The following COL5A2 variants were observed in gnomAD, a reference collection of about 807,000 sequenced individuals.
COL5A2 encodes collagen type V alpha 2 chain, also known as collagen alpha-2(V) chain.
In COL5A2, 23 loss-of-function variants were observed where a neutral mutation model predicts 208.2. The ratio of observed to expected loss-of-function variants is 0.11; its 90% CI spans 0.08 to 0.16. The LOEUF is 0.16. Ranked by LOEUF, COL5A2 falls within the 10% of genes least tolerant of loss-of-function variation. The pLI, the probability that COL5A2 is intolerant of heterozygous loss-of-function variation, is 1.00. For synonymous variants in COL5A2, 625 were observed against 628.5 expected, an observed-to-expected ratio of 0.99 and a Z score of 0.08; for missense variants, 1,590 against 1,956.4, an observed-to-expected ratio of 0.81 and a Z score of 3.53.
In COL5A2 at chr2:189,060,761, G is replaced by A; in HGVS notation, c.2054C>T (p.Pro685Leu). ...ACCTGGTTTTCCACCTTCTCCAGGAGGCCCTGGAGGACCAGGAAGCCCCTA... is the reference window on the plus strand; with the variant it reads ...ACCTGGTTTTCCACCTTCTCCAGGAAGCCCTGGAGGACCAGGAAGCCCCTA... ...GFQGLPGPPGPPGEGGKPGDQ... is the reference protein window; with the variant it reads ...GFQGLPGPPGLPGEGGKPGDQ... Residue 685 changes from proline to leucine, a missense_variant, in exon 31 of 54, where the codon CCT (proline) becomes CTT (leucine). Coordinates refer to ENST00000374866, the MANE Select transcript of COL5A2 (RefSeq NM_000393.5). 1 of 1,613,500 alleles carries A rather than the reference G, an allele frequency of 6.2e-7. No individual in the cohort carries two copies. Among genetic ancestry groups the A allele is most frequent in the Non-Finnish European group, 8.5e-7 (1 of 1,179,540 alleles).
At chr2:189,154,591 C>T (rs1410151465) in intron 1 of COL5A2, among the ~76,000 whole-genome samples, 1 of 152,198 alleles carries the variant, frequency 6.6e-6, no homozygotes, top group Non-Finnish European at 1.5e-5. Context: ...TAATTCTCCA[C>T]CTGCAGAATC....
the COL5A2 span, among the ~76,000 whole-genome samples, chr2:189,317,129 G>A: frequency 4.6e-5 from 7 of 151,992 alleles, no homozygotes; most frequent in Non-Finnish European, 1.0e-4. Flanking sequence ...AACTTATGAA[G>A]TCATTTCTAT....
chr2:189,045,074 T>A, intron 47 of COL5A2, 105 bp downstream of exon 47: 1 of 699,856 alleles, frequency 1.4e-6, no homozygotes, highest in Middle Eastern at 4.2e-4. Flanking sequence ...TTGTTCAAGC[T>A]TGAGGAATTT....
rs766036037 is a variant in COL5A2 at position 189,048,200 on chromosome 2, G to A, written c.3201+9C>T. 1.9e-6 allele frequency: 3 copies of A among 1,612,218 alleles called. No individual in the cohort carries two copies. The South Asian group carries it at 3.3e-5, about 18-fold the overall frequency. On this transcript the variant is annotated intron_variant, in intron 45 of 53. Coordinates refer to ENST00000374866, the MANE Select transcript of COL5A2 (RefSeq NM_000393.5). ...CTTTAGATTTTATAATAAGTGAAATGGCTCTTACACGTTCTCCAACAGCAC... is the reference window on the plus strand; with the variant it reads ...CTTTAGATTTTATAATAAGTGAAATAGCTCTTACACGTTCTCCAACAGCAC...
the COL5A2 span, among the ~76,000 whole-genome samples, chr2:189,360,293 T>C: frequency 6.6e-6 from 1 of 152,120 alleles, no homozygotes; most frequent in Non-Finnish European, 1.5e-5. Flanking sequence ...TTTTGTTTAG[T>C]TAAAATTTTA....
chr2:189,343,141 A>G, the COL5A2 span, among the ~76,000 whole-genome samples: 5 of 152,140 alleles, frequency 3.3e-5, no homozygotes, highest in South Asian at 8.3e-4. Flanking sequence ...GACATGCTTG[A>G]ATTTTCTGCT....
chr2:189,136,120 A>C (rs1330940016), intron 1 of COL5A2, among the ~76,000 whole-genome samples: 3 of 152,230 alleles, frequency 2.0e-5, no homozygotes, highest in Non-Finnish European at 4.4e-5. Context: ...CAGCACTGAA[A>C]GTGCAGAAAC....
At chr2:189,423,623 A>C in the COL5A2 span, among the ~76,000 whole-genome samples, 18 of 152,142 alleles carry the variant, frequency 1.2e-4, no homozygotes, top group Non-Finnish European at 2.5e-4. Context: ...TGTAACACAG[A>C]GGAAATGGAT....
chr2:189,319,691 C>A, the COL5A2 span, among the ~76,000 whole-genome samples: 6 of 152,260 alleles, frequency 3.9e-5, no homozygotes, highest in African/African-American at 1.4e-4. Flanking sequence ...GTGGAGCCCA[C>A]TGCAGCTCAA....
chr2:189,110,243 C>T lies in COL5A2; in HGVS notation c.304G>A (p.Gly102Ser). 1.2e-6 allele frequency: 2 copies of T among 1,613,716 alleles called. No individual in the cohort carries two copies. Among genetic ancestry groups the T allele is most frequent in the Non-Finnish European group, 1.7e-6 (2 of 1,179,728 alleles). ...TTCTTACCAAAATTGGTATTGCCAC[C>T]TCCAGGTGTTTGTGAACAGACAGGA... Reference protein sequence around the residue: ...CCPVCSQTPGGGNTNFGRGRK... With the variant: ...CCPVCSQTPGSGNTNFGRGRK... Residue 102 changes from glycine to serine, a missense_variant, in exon 2 of 54, where the codon GGT becomes AGT. Gly to Ser is a moderately conservative substitution (Grantham distance 56). Transcript: ENST00000374866.
intron 1 of COL5A2, among the ~76,000 whole-genome samples, chr2:189,135,401 T>C (rs1687808537): frequency 6.6e-6 from 1 of 152,218 alleles, no homozygotes; most frequent in Admixed American, 6.5e-5. Flanking sequence ...GAACGCTCTA[T>C]GAATCTGCAG....
At chr2:189,332,257 G>T in the COL5A2 span, among the ~76,000 whole-genome samples, 1 of 152,076 alleles carries the variant, frequency 6.6e-6, no homozygotes, top group Admixed American at 6.6e-5. Flanking sequence ...ATTATTAAGG[G>T]TATAGATAAT....
intron 12 of COL5A2, among the ~76,000 whole-genome samples, chr2:189,082,379 T>C (rs995704614): frequency 6.6e-6 from 1 of 152,146 alleles, no homozygotes; most frequent in African/African-American, 2.4e-5. Context: ...ACAAATGAAG[T>C]CCCATTAATT....
the COL5A2 span, among the ~76,000 whole-genome samples, chr2:189,399,355 A>G: frequency 6.6e-6 from 1 of 150,788 alleles, no homozygotes; most frequent in Admixed American, 6.6e-5. Flanking sequence ...GGTTCAAATG[A>G]TTCTTCTGCC....
At chr2:189,417,757 G>A in the COL5A2 span, among the ~76,000 whole-genome samples, 3 of 151,676 alleles carry the variant, frequency 2.0e-5, 1 homozygote, top group Admixed American at 1.3e-4. Context: ...CCATGTTGCT[G>A]CAAGTGACAG....
chr2:189,274,928 C>T, the COL5A2 span, among the ~76,000 whole-genome samples: 1 of 152,080 alleles, frequency 6.6e-6, no homozygotes, highest in Non-Finnish European at 1.5e-5. Context: ...TGAATGAGCA[C>T]AATTTTTATT....
At chr2:189,319,352 C>G in the COL5A2 span, among the ~76,000 whole-genome samples, 1 of 152,194 alleles carries the variant, frequency 6.6e-6, no homozygotes, top group Non-Finnish European at 1.5e-5. Context: ...AAGCGTGAGC[C>G]GAAGCAGGGC....
At chr2:189,421,842 T>A in the COL5A2 span, among the ~76,000 whole-genome samples, 1 of 152,132 alleles carries the variant, frequency 6.6e-6, no homozygotes, top group Admixed American at 6.5e-5. Flanking sequence ...CCAGCCTCTA[T>A]GACTAAGGAT....
intron 12 of COL5A2, among the ~76,000 whole-genome samples, chr2:189,081,464 T>C (rs1454527649): frequency 7.2e-5 from 11 of 152,202 alleles, no homozygotes; most frequent in Admixed American, 7.2e-4. Flanking sequence ...TCCTTCTTTA[T>C]TGTGCTTTAT....
Sources: gnomAD v4.1 joint callset for allele counts (sites outside exome capture counted in the v4.1 genomes callset) on GRCh38, gnomAD v4.1.1 for gene constraint, MANE v1.5 for transcripts, NCBI Gene and HGNC (gene_info 2026-07-23, HGNC 2026-07-21) for gene names.